Variants in MPDZ observed in about 807,000 individuals in gnomAD.
The protein encoded by MPDZ is multiple PDZ domain crumbs cell polarity complex component, also known as multiple PDZ domain protein.
Under a neutral mutation model 239.1 loss-of-function variants are expected in MPDZ, and 234 were observed. The observed-to-expected ratio is 0.98, with a 90% CI of 0.88 to 1.09. The LOEUF is 1.09. Ranked by LOEUF, MPDZ falls within the 50% of genes least tolerant of loss-of-function variation. The pLI is 0.00. For missense variants in MPDZ, 3,175 were observed against 2,510.0 expected (o/e 1.26, Z -5.66); for synonymous variants, 1,048 against 881.3 (o/e 1.19, Z -3.35).
chr9:13,188,924 C>T lies in MPDZ; in HGVS notation c.2224G>A (p.Asp742Asn), dbSNP rs1420080031. ...SLVPGGIAEK[D>N]GRLLPGDRLM... ...CGGTCACCAGGAAGAAGTCGTCCATCCTTTTCAGCAATGCCGCCAGGCACC... is the reference window on the plus strand; with the variant it reads ...CGGTCACCAGGAAGAAGTCGTCCATTCTTTTCAGCAATGCCGCCAGGCACC... The change falls in exon 17 of 47, where the codon GAT (aspartate) becomes AAT (asparagine). Residue 742 changes from aspartate to asparagine, a missense_variant. By Grantham distance (23) the Asp-to-Asn change is conservative. Transcript: ENST00000319217. The T allele has an allele frequency of 1.2e-6, 2 of 1,613,558 alleles. No homozygotes were observed. Among genetic ancestry groups the T allele is most frequent in the African/African-American group, 1.3e-5 (1 of 75,028 alleles).
intron 10 of MPDZ, among the ~76,000 whole-genome samples, chr9:13,214,183 TTGA>T (rs1279358231): frequency 6.6e-6 from 1 of 152,028 alleles, no homozygotes; most frequent in African/African-American, 2.4e-5. Context: ...TGTCCATCAA[TTGA>T]TGAATGGGTA....
chr9:13,164,138 T>C (rs1400212777), intron 22 of MPDZ, among the ~76,000 whole-genome samples: 1 of 152,184 alleles, frequency 6.6e-6, no homozygotes, highest in Non-Finnish European at 1.5e-5. Context: ...GCAGAATACA[T>C]GGGGCCTCTG....
intron 1 of MPDZ, among the ~76,000 whole-genome samples, chr9:13,268,250 A>ATT (rs905956214): frequency 5.3e-5 from 8 of 151,984 alleles, no homozygotes; most frequent in Non-Finnish European, 8.8e-5. Flanking sequence ...TTCATCAAGT[A>ATT]TTAAGTGAGC....
At chr9:13,221,895 T>C (rs1959151006) in intron 6 of MPDZ, among the ~76,000 whole-genome samples, 1 of 152,096 alleles carries the variant, frequency 6.6e-6, no homozygotes, top group African/African-American at 2.4e-5. Context: ...TAAAAGTTAC[T>C]GACAGCTAAC....
At chr9:13,208,636 A>T (rs928916985) in intron 10 of MPDZ, among the ~76,000 whole-genome samples, 1 of 150,260 alleles carries the variant, frequency 6.7e-6, no homozygotes, top group Non-Finnish European at 1.5e-5. Flanking sequence ...ACACATATGT[A>T]AACAGCATAT....
intron 32 of MPDZ, among the ~76,000 whole-genome samples, chr9:13,129,450 G>A (rs1220177265): frequency 6.6e-6 from 1 of 151,558 alleles, no homozygotes; most frequent in Non-Finnish European, 1.5e-5. Flanking sequence ...GCAACAGAGT[G>A]AGACTCAGTC....
rs199713680 is a variant in MPDZ at position 13,247,800 on chromosome 9, G to C, written c.18C>G (p.Asp6Glu). Reference protein sequence around the residue: MLEAIDKNRALHAAER... With the variant: MLEAIEKNRALHAAER... ...CTGCTGCATGCAGGGCCCGATTTTT[G>C]TCTATACCAAAGAGCAGCATTTGTC... Residue 6 changes from aspartate (D) to glutamate (E), a missense_variant and splice_region_variant, in exon 3 of 47, where the codon GAC (aspartate) becomes GAG (glutamate). Coordinates refer to ENST00000319217, the MANE Select transcript of MPDZ (RefSeq NM_001378778.1). 105 of 1,599,654 alleles carry C rather than the reference G, an allele frequency of 6.6e-5. No homozygotes were observed. Among genetic ancestry groups the C allele is most frequent in the Non-Finnish European group, 8.2e-5 (96 of 1,168,834 alleles).
At chr9:13,185,546 T>C (rs994688751) in intron 18 of MPDZ, among the ~76,000 whole-genome samples, 5 of 152,102 alleles carry the variant, frequency 3.3e-5, no homozygotes, top group African/African-American at 1.2e-4. Context: ...GTAGGGGTAA[T>C]GTGAACAGGA....
intron 36 of MPDZ, among the ~76,000 whole-genome samples, chr9:13,122,523 C>CTTTTTTTTTTTT (rs1193402258): frequency 0.016 from 2,250 of 140,534 alleles, 82 homozygotes; most frequent in South Asian, 0.05. Flanking sequence ...TTTTCAAACT[C>CTTTTTTTTTTTT]TTTTTTTTTT....
chr9:13,247,950 G>C (rs1966852888), intron 2 of MPDZ, 149 bp from the exon 3 acceptor site: 2 of 753,822 alleles, frequency 2.7e-6, no homozygotes, highest in East Asian at 5.2e-5. Context: ...CAGTAGGCCG[G>C]ACCCAGTGGC....
intron 23 of MPDZ, among the ~76,000 whole-genome samples, chr9:13,160,054 C>T (rs767643112): frequency 1.2e-4 from 18 of 152,136 alleles, no homozygotes; most frequent in Non-Finnish European, 2.2e-4. Context: ...GAGAAAGACA[C>T]ATGATGAGAA....
intron 3 of MPDZ, among the ~76,000 whole-genome samples, chr9:13,230,468 G>A (rs1344349636): frequency 6.6e-6 from 1 of 152,044 alleles, no homozygotes; most frequent in Non-Finnish European, 1.5e-5. Flanking sequence ...ATTAATATAT[G>A]CAACTTCAAG....
intron 44 of MPDZ, 109 bp downstream of exon 44, chr9:13,110,527 T>G (rs1224625549): frequency 1.3e-6 from 1 of 763,950 alleles, no homozygotes; most frequent in African/African-American, 1.8e-5. Context: ...AGAGAAATAT[T>G]AAATAAAATA....
At chr9:13,251,154 A>T (rs1356140832) in intron 1 of MPDZ, among the ~76,000 whole-genome samples, 1 of 146,668 alleles carries the variant, frequency 6.8e-6, no homozygotes, top group Non-Finnish European at 1.5e-5. Flanking sequence ...AAAAAAAAGG[A>T]AAAGAAAAGA....
Position 13,169,625 on chromosome 9 carries a change from T to C in MPDZ, c.3056-1061A>G, listed in dbSNP as rs567614043. On this transcript the variant is annotated intron_variant, in intron 21 of 46. Coordinates refer to ENST00000319217, the MANE Select transcript of MPDZ (RefSeq NM_001378778.1). ...TTCCATGATTGTCTCCTTCAATGCA[T>C]ACTTCCCTCAGAAGACAGAGAGGCC... Among the ~76,000 whole-genome samples, 8 of 152,208 alleles carry C rather than the reference T, an allele frequency of 5.3e-5. No homozygotes were observed. In the South Asian group the frequency reaches 1.5e-3, roughly 28 times the overall value.
intron 36 of MPDZ, 114 bp downstream of exon 36, chr9:13,123,039 G>GT (rs1944590548): frequency 5.3e-6 from 6 of 1,122,740 alleles, no homozygotes; most frequent in Non-Finnish European, 6.0e-6. Context: ...ACAAATACAG[G>GT]TTTTTTCGGC....
intron 16 of MPDZ, 80 bp from the exon 17 acceptor site, chr9:13,189,073 G>C (rs1022542221): frequency 1.7e-6 from 2 of 1,212,034 alleles, no homozygotes; most frequent in Non-Finnish European, 2.3e-6. Flanking sequence ...AAATCGTAAC[G>C]AATGAGTAAT....
chr9:13,154,404 A>C (rs1949569766), intron 24 of MPDZ, among the ~76,000 whole-genome samples: 1 of 152,156 alleles, frequency 6.6e-6, no homozygotes. Context: ...GACACAGGTA[A>C]AACACAGCTC....
chr9:13,108,928 A>T lies in MPDZ; in HGVS notation c.6066+8T>A, dbSNP rs1283437402. On this transcript the variant is annotated splice_region_variant and intron_variant, in intron 46 of 46. Transcript: ENST00000319217. ...GGAAAAGAGGGTGGTTAAAATTTGCAAGCTTACCTTTGCAAACACTGTTTT... is the reference window on the plus strand; with the variant it reads ...GGAAAAGAGGGTGGTTAAAATTTGCTAGCTTACCTTTGCAAACACTGTTTT... The T allele has an allele frequency of 9.9e-6, 16 of 1,609,694 alleles. No homozygotes were observed. The highest frequency in any genetic ancestry group is 1.4e-5 in the Non-Finnish European group (16 of 1,177,540).
Sources: allele counts gnomAD v4.1 joint callset (sites outside exome capture counted in the v4.1 genomes callset), GRCh38; gene constraint gnomAD v4.1.1; transcripts MANE v1.5; gene names NCBI Gene and HGNC (gene_info 2026-07-23, HGNC 2026-07-21).